AFAP1L1: variants seen among roughly 807,000 people sequenced by gnomAD.
AFAP1L1 encodes actin filament associated protein 1 like 1.
AFAP1L1 carries 77 observed loss-of-function variants against 99.8 expected under a neutral mutation model. The observed-to-expected ratio is 0.77, with a 90% CI of 0.64 to 0.93. The LOEUF (loss-of-function observed/expected upper bound fraction) is 0.93, where lower values mean the gene tolerates loss of function less well. Among genes scored for constraint, AFAP1L1 ranks in the 40% least tolerant of loss-of-function variants. The pLI, the probability that AFAP1L1 is intolerant of heterozygous loss-of-function variation, is 0.00. For synonymous variants in AFAP1L1, 373 were observed against 395.3 expected (o/e 0.94, Z 0.67); for missense variants, 893 against 996.8 (o/e 0.90, Z 1.40).
At chr5:149,319,915 C>G (rs1378656344) in intron 13 of AFAP1L1, among the ~76,000 whole-genome samples, 188 bp downstream of exon 13, 1 of 152,210 alleles carries the variant, frequency 6.6e-6, no homozygotes, top group Non-Finnish European at 1.5e-5. Flanking sequence ...AAGGAAGTAG[C>G]CCAGAGTCAG....
Position 149,299,778 on chromosome 5 carries a change from G to A in AFAP1L1, c.145+141G>A, listed in dbSNP as rs1401029772. On this transcript the variant is annotated intron_variant, in intron 2 of 18. Transcript: ENST00000296721. ...GCCGCAGGAGGAAGGCTAAGCCCTG[G>A]ACACAGCGTCCAATGCATTCCATGC... 9.6e-6 allele frequency: 13 copies of A among 1,353,650 alleles called. No homozygotes were observed. The African/African-American group carries it at 1.8e-4, about 18-fold the overall frequency. 83.9% of individuals were successfully genotyped at this position (1,353,650 alleles called of 1,614,324 possible).
intron 10 of AFAP1L1, 72 bp from the exon 11 acceptor site, chr5:149,316,079 A>G: frequency 6.3e-7 from 1 of 1,588,572 alleles, no homozygotes. Flanking sequence ...CAGGCTGAAA[A>G]GGCCACAAGG....
At chr5:149,316,442 C>A in intron 11 of AFAP1L1, 139 bp downstream of exon 11, 1 of 1,041,294 alleles carries the variant, frequency 9.6e-7, no homozygotes, top group South Asian at 1.6e-5. Context: ...GGAGGCTAAG[C>A]CCCACTCCAT....
At chr5:149,311,471 C>T (rs1337951356) in intron 8 of AFAP1L1, among the ~76,000 whole-genome samples, 2 of 152,242 alleles carry the variant, frequency 1.3e-5, no homozygotes, top group African/African-American at 4.8e-5. Flanking sequence ...CTCTGCGAGG[C>T]TCATCATCTT....
intron 2 of AFAP1L1, among the ~76,000 whole-genome samples, chr5:149,299,935 C>T (rs539884322): frequency 6.6e-6 from 1 of 152,046 alleles, no homozygotes; most frequent in African/African-American, 2.4e-5. Context: ...AGAACACACA[C>T]ACCCACATAC....
intron 1 of AFAP1L1, among the ~76,000 whole-genome samples, chr5:149,272,594 C>T (rs535541103): frequency 6.6e-6 from 1 of 152,350 alleles, no homozygotes; most frequent in East Asian, 1.9e-4. Flanking sequence ...GACCCTTTTC[C>T]AGTGTATTTG....
chr5:149,301,303 TC>T, intron 4 of AFAP1L1, 73 bp downstream of exon 4: 1 of 1,426,146 alleles, frequency 7.0e-7, no homozygotes, highest in Non-Finnish European at 9.8e-7. Context: ...GCTCTCCCCT[TC>T]CCACTGGGTG....
intron 5 of AFAP1L1, 177 bp downstream of exon 5, chr5:149,302,703 G>T: frequency 1.8e-6 from 1 of 541,646 alleles, no homozygotes. Context: ...CAGCCTGGGT[G>T]GACCAATATG....
At chr5:149,291,674 G>A (rs1439129833) in intron 1 of AFAP1L1, among the ~76,000 whole-genome samples, 2 of 151,922 alleles carry the variant, frequency 1.3e-5, no homozygotes, top group African/African-American at 4.8e-5. Flanking sequence ...TTTCCAGGGC[G>A]ACTTGCCTCC....
intron 1 of AFAP1L1, among the ~76,000 whole-genome samples, chr5:149,289,524 G>A (rs1410137321): frequency 6.6e-6 from 1 of 151,988 alleles, no homozygotes; most frequent in Non-Finnish European, 1.5e-5. Flanking sequence ...ATCCAAGCTG[G>A]GACAACAGGA....
At chr5:149,314,421 T>A (rs1756736246) in intron 9 of AFAP1L1, among the ~76,000 whole-genome samples, 1 of 151,020 alleles carries the variant, frequency 6.6e-6, no homozygotes, top group East Asian at 1.9e-4. Context: ...ACTAGAATGT[T>A]GGGGGTGGTA....
intron 4 of AFAP1L1, among the ~76,000 whole-genome samples, 178 bp downstream of exon 4, chr5:149,301,408 C>T (rs1361321015): frequency 6.6e-6 from 1 of 152,176 alleles, no homozygotes; most frequent in Admixed American, 6.6e-5. Context: ...CCGTGATGTG[C>T]TCGCTGTGTG....
intron 1 of AFAP1L1, among the ~76,000 whole-genome samples, chr5:149,273,130 G>A (rs1755187359): frequency 1.3e-5 from 2 of 150,794 alleles, no homozygotes; most frequent in Non-Finnish European, 1.5e-5. Context: ...AGAACCCCAG[G>A]GTTTCAGTCT....
chr5:149,289,346 A>G (rs1243148202), intron 1 of AFAP1L1, among the ~76,000 whole-genome samples: 1 of 152,158 alleles, frequency 6.6e-6, no homozygotes, highest in Non-Finnish European at 1.5e-5. Flanking sequence ...TAATTAACAC[A>G]CACAAAAGTC....
At chr5:149,272,084 T>TGGGGGGGGGG in intron 1 of AFAP1L1, 100 bp downstream of exon 1, 1 of 792,944 alleles carries the variant, frequency 1.3e-6, no homozygotes, top group Non-Finnish European at 1.6e-6. Flanking sequence ...AGGCGGGCGG[T>TGGGGGGGGGG]GGGGCGGGGG....
intron 18 of AFAP1L1, among the ~76,000 whole-genome samples, chr5:149,338,368 G>A (rs1239905980): frequency 1.3e-5 from 2 of 152,168 alleles, no homozygotes; most frequent in African/African-American, 4.8e-5. Flanking sequence ...AGGCTGAGGT[G>A]GGAGGATCAC....
Position 149,342,358 on chromosome 5 carries a change from G to A in AFAP1L1, c.*2328G>A, listed in dbSNP as rs1370489762. On this transcript the variant is annotated 3_prime_UTR_variant, in exon 19 of 19. Transcript: ENST00000296721. Reference sequence around the variant, plus strand: ...CAGGTAACTTGTCCAAGCTCCCATAGTTCTTATATTTACATGCTGGTGGAG... The same window carrying A: ...CAGGTAACTTGTCCAAGCTCCCATAATTCTTATATTTACATGCTGGTGGAG... 2.0e-5 allele frequency among the ~76,000 whole-genome samples: 3 copies of A among 152,190 alleles called. No individual in the cohort carries two copies. Among genetic ancestry groups the A allele is most frequent in the South Asian group, 4.1e-4 (2 of 4,822 alleles).
intron 5 of AFAP1L1, 82 bp from the exon 6 acceptor site, chr5:149,306,224 G>T: frequency 2.5e-6 from 3 of 1,189,740 alleles, no homozygotes; most frequent in Non-Finnish European, 3.6e-6. Context: ...GGTGGAGCAG[G>T]GGTGTCAGGG....
intron 9 of AFAP1L1, chr5:149,312,474 T>G (rs952459276): frequency 6.0e-6 from 3 of 501,876 alleles, no homozygotes; most frequent in African/African-American, 5.8e-5. Context: ...CACATTGCAA[T>G]TGTGCCATGA....
Sources: allele counts gnomAD v4.1 joint callset (sites outside exome capture counted in the v4.1 genomes callset), GRCh38; gene constraint gnomAD v4.1.1; transcripts MANE v1.5; gene names NCBI Gene and HGNC (gene_info 2026-07-23, HGNC 2026-07-21).